The following CDH4 variants were observed in gnomAD, a reference collection of about 807,000 sequenced individuals.
CDH4 encodes the protein cadherin-4.
In CDH4, 33 loss-of-function variants were observed where a neutral mutation model predicts 86.0. The observed-to-expected ratio is 0.38, with a 90% CI of 0.29 to 0.51. The LOEUF (loss-of-function observed/expected upper bound fraction) is 0.51. Among genes scored for constraint, CDH4 ranks in the 20% least tolerant of loss-of-function variants. CDH4 has a pLI of 0.86. For synonymous variants in CDH4, 555 were observed against 549.4 expected (o/e 1.01, Z -0.14); for missense variants, 1,114 against 1,307.4 (o/e 0.85, Z 2.28).
intron 2 of CDH4, among the ~76,000 whole-genome samples, chr20:61,468,937 A>G (rs575127011): frequency 6.6e-6 from 1 of 152,174 alleles, no homozygotes; most frequent in Admixed American, 6.5e-5. Context: ...TAGGTACCAC[A>G]TTTTCTTTGT....
intron 6 of CDH4, among the ~76,000 whole-genome samples, chr20:61,871,640 G>T (rs1444519635): frequency 6.6e-6 from 1 of 152,134 alleles, no homozygotes; most frequent in African/African-American, 2.4e-5. Context: ...AGGGGAGTAT[G>T]GTTGGGACCA....
At chr20:61,808,974 A>G (rs1980286184) in intron 4 of CDH4, among the ~76,000 whole-genome samples, 1 of 152,248 alleles carries the variant, frequency 6.6e-6, no homozygotes, top group Admixed American at 6.5e-5. Flanking sequence ...TACAATGTCA[A>G]TACAGAAGTC....
At chr20:61,513,575 G>A (rs1021772745) in intron 2 of CDH4, among the ~76,000 whole-genome samples, 7 of 152,212 alleles carry the variant, frequency 4.6e-5, no homozygotes, top group Non-Finnish European at 8.8e-5. Context: ...GTGCTCCCTG[G>A]TGTTCTAGCA....
At chr20:61,601,587 C>T (rs527337479) in intron 2 of CDH4, among the ~76,000 whole-genome samples, 2 of 152,322 alleles carry the variant, frequency 1.3e-5, no homozygotes, top group South Asian at 4.1e-4. Flanking sequence ...CCACCATGCA[C>T]CCTCTGCCCT....
chr20:61,667,206 C>T (rs1288993954), intron 2 of CDH4, among the ~76,000 whole-genome samples: 1 of 152,226 alleles, frequency 6.6e-6, no homozygotes, highest in Non-Finnish European at 1.5e-5. Context: ...GGGGCCACCC[C>T]ACCCTCAGGA....
Position 61,936,755 on chromosome 20 carries a change from A to G in CDH4, c.2563A>G (p.Asn855Asp). 6.2e-7 allele frequency: 1 copy of G among 1,603,352 alleles called. No individual in the cohort carries two copies. The highest frequency in any genetic ancestry group is 8.5e-7 in the Non-Finnish European group (1 of 1,176,094). The stretch of plus-strand genomic sequence containing the variant: ...CCCCCAGGGACTCCGCGCTGCTGAC[A>G]ACGACCCCACGGCACCCCCCTATGA... ...FINEGLRAAD[N>D]DPTAPPYDSL... Residue 855 changes from asparagine (N) to aspartate (D), a missense_variant, in exon 16 of 16, where the codon AAC (asparagine) becomes GAC (aspartate). By Grantham distance (23) the Asn-to-Asp change is conservative (BLOSUM62 1). Transcript: ENST00000614565.
At chr20:61,444,279 GTATGTATGTGTGGGTT>G (rs1568847282) in intron 2 of CDH4, among the ~76,000 whole-genome samples, 16 of 147,528 alleles carry the variant, frequency 1.1e-4, no homozygotes, top group South Asian at 4.3e-4. Context: ...GTGTGTATGT[GTATGTATGTGTGGGTT>G]TCTTTGTGTA....
At chr20:61,816,690 G>GT (rs112849616) in intron 4 of CDH4, among the ~76,000 whole-genome samples, 29 of 151,426 alleles carry the variant, frequency 1.9e-4, no homozygotes, top group Non-Finnish European at 3.5e-4. Context: ...ACGTTAAATG[G>GT]GGGGGGGCGG....
chr20:61,285,633 T>C (rs1340807889), intron 2 of CDH4, among the ~76,000 whole-genome samples: 1 of 152,232 alleles, frequency 6.6e-6, no homozygotes, highest in Non-Finnish European at 1.5e-5. Flanking sequence ...TTATTAACCA[T>C]TGATGGATAG....
At chr20:61,868,642 G>A (rs537651854) in intron 6 of CDH4, among the ~76,000 whole-genome samples, 4 of 152,316 alleles carry the variant, frequency 2.6e-5, no homozygotes, top group Non-Finnish European at 5.9e-5. Context: ...TCCATGCTAA[G>A]CGGTGTCCTC....
chr20:61,620,211 C>CGG (rs2086762747), intron 2 of CDH4, among the ~76,000 whole-genome samples: 1 of 68,662 alleles, frequency 1.5e-5, no homozygotes, highest in African/African-American at 7.9e-5. Flanking sequence ...GATGGACAGA[C>CGG]AGGCAGGCTG....
In CDH4 at chr20:61,810,858, G is replaced by A. The variant is rs568319267; in HGVS notation, c.577-33810G>A. ...CAACAGAGCCACTGCCCCTTGGCCCGGCTTCTCCAGAACGCAGCCAGCACA... is the reference window on the plus strand; with the variant it reads ...CAACAGAGCCACTGCCCCTTGGCCCAGCTTCTCCAGAACGCAGCCAGCACA... On this transcript the variant is annotated intron_variant, in intron 4 of 15. Transcript: ENST00000614565. The surrounding 1 kb of genome is among the most constrained non-coding windows in gnomAD (Gnocchi z 4.3). Among the ~76,000 whole-genome samples, 20 of 152,250 alleles carry A rather than the reference G, an allele frequency of 1.3e-4. No homozygotes were observed. The highest frequency in any genetic ancestry group is 3.4e-3 in the Middle Eastern group (1 of 294).
intron 2 of CDH4, among the ~76,000 whole-genome samples, chr20:61,729,940 G>A (rs963035320): frequency 6.6e-5 from 10 of 152,166 alleles, no homozygotes; most frequent in African/African-American, 2.4e-4. Flanking sequence ...AGAGTGTTTT[G>A]TTTTCTTTGG....
intron 6 of CDH4, among the ~76,000 whole-genome samples, chr20:61,869,901 C>T (rs1473819935): frequency 6.6e-6 from 1 of 152,236 alleles, no homozygotes. Context: ...GAGAGCTGGG[C>T]CCCAGTGGGC....
intron 2 of CDH4, among the ~76,000 whole-genome samples, chr20:61,612,134 C>T (rs2427185): frequency 0.98 from 149,814 of 152,268 alleles, 73,714 homozygotes; most frequent in East Asian, 1. Flanking sequence ...CAAGTACTTG[C>T]AATAATTTAA....
intron 2 of CDH4, among the ~76,000 whole-genome samples, chr20:61,594,009 GGTGGGAGA>G (rs1352812845): frequency 7.1e-6 from 1 of 141,498 alleles, no homozygotes; most frequent in African/African-American, 2.7e-5. Context: ...CAGATTCAGA[GGTGGGAGA>G]GAGGGAGGAG....
intron 2 of CDH4, among the ~76,000 whole-genome samples, chr20:61,655,495 G>A (rs1010184436): frequency 6.6e-6 from 1 of 152,262 alleles, no homozygotes. Context: ...CCCAGGACAA[G>A]GGGCCTCTTT....
At chr20:61,293,079 C>T (rs541614959) in intron 2 of CDH4, among the ~76,000 whole-genome samples, 3 of 152,252 alleles carry the variant, frequency 2.0e-5, no homozygotes, top group South Asian at 2.1e-4. Context: ...TAGCCACTTC[C>T]GCAGATCCCC....
chr20:61,369,302 T>C (rs1600908079), intron 2 of CDH4, among the ~76,000 whole-genome samples: 1 of 151,522 alleles, frequency 6.6e-6, no homozygotes, highest in African/African-American at 2.4e-5. Flanking sequence ...AATACAAAAA[T>C]TAGCCAGGTG....
Sources: allele counts gnomAD v4.1 joint callset (sites outside exome capture counted in the v4.1 genomes callset), GRCh38; gene constraint gnomAD v4.1.1; non-coding constraint Gnocchi (gnomAD v3.1); transcripts MANE v1.5; gene names NCBI Gene and HGNC (gene_info 2026-07-23, HGNC 2026-07-21).